MAP2K5: variants seen among roughly 807,000 people sequenced by gnomAD.
MAP2K5 encodes mitogen-activated protein kinase kinase 5.
A neutral mutation model predicts 83.1 loss-of-function variants in MAP2K5; 49 were observed. The ratio of observed to expected loss-of-function variants is 0.59; its 90% confidence interval spans 0.47 to 0.75. The LOEUF (loss-of-function observed/expected upper bound fraction) is 0.75. Among genes scored for constraint, MAP2K5 ranks in the 30% least tolerant of loss-of-function variants. The pLI, the probability that MAP2K5 is intolerant of heterozygous loss-of-function variation, is 0.00. For synonymous variants in MAP2K5, 202 were observed against 191.8 expected, an observed-to-expected ratio of 1.05 and a Z score of -0.44; for missense variants, 457 against 557.5, an observed-to-expected ratio of 0.82 and a Z score of 1.82.
intron 17 of MAP2K5, among the ~76,000 whole-genome samples, chr15:67,731,698 A>G (rs981352076): frequency 2.0e-5 from 3 of 152,194 alleles, no homozygotes; most frequent in Non-Finnish European, 4.4e-5. Context: ...TCAGGCTCAG[A>G]GAGGCAAAGT....
intron 13 of MAP2K5, chr15:67,670,588 A>G: frequency 2.8e-6 from 1 of 362,254 alleles, no homozygotes; most frequent in Non-Finnish European, 5.5e-6. Context: ...TTCCCTGCCA[A>G]AAGGACAAAC....
At chr15:67,607,945 A>G (rs956450588) in intron 8 of MAP2K5, among the ~76,000 whole-genome samples, 1 of 152,188 alleles carries the variant, frequency 6.6e-6, no homozygotes, top group African/African-American at 2.4e-5. Flanking sequence ...ACGTTATGGT[A>G]ATATTTCAAG....
Position 67,664,609 on chromosome 15 carries a change from C to T in MAP2K5, c.811C>T (p.Leu271Phe). 6.3e-7 allele frequency: 1 copy of T among 1,591,304 alleles called. No individual in the cohort carries two copies. Among genetic ancestry groups the T allele is most frequent in the Non-Finnish European group, 8.6e-7 (1 of 1,160,096 alleles). ...GRIAVAVVKG[L>F]TYLWSLKILH... Reference sequence around the variant, plus strand: ...TTCCTAAATTTAGGTTGTTAAAGGCCTTACTTATTTGTGGAGTTTAAAGAT... The same window carrying T: ...TTCCTAAATTTAGGTTGTTAAAGGCTTTACTTATTTGTGGAGTTTAAAGAT... Residue 271 changes from leucine to phenylalanine, a missense_variant, in exon 13 of 22, where the codon CTT becomes TTT. Leu to Phe is a conservative substitution (Grantham distance 22). This residue lies in a region of MAP2K5 where 168 missense variants were observed against 263.0 expected (regional missense o/e 0.64). Transcript: ENST00000178640.
intron 19 of MAP2K5, among the ~76,000 whole-genome samples, chr15:67,756,886 G>A (rs1260930910): frequency 1.3e-5 from 2 of 151,736 alleles, no homozygotes; most frequent in African/African-American, 4.8e-5. Context: ...CTTTTTTAAG[G>A]CTGAATAAGA....
intron 8 of MAP2K5, among the ~76,000 whole-genome samples, chr15:67,618,542 T>A (rs1483505954): frequency 1.3e-5 from 2 of 152,222 alleles, no homozygotes; most frequent in African/African-American, 4.8e-5. Context: ...GATTACCAGT[T>A]GGATGTCCTC....
At chr15:67,670,513 C>A (rs993057653) in intron 13 of MAP2K5, 3 of 452,822 alleles carry the variant, frequency 6.6e-6, no homozygotes, top group African/African-American at 4.0e-5. Context: ...AAAAAGTAAA[C>A]CAGATTTACA....
chr15:67,641,359 C>T, intron 9 of MAP2K5: 5 of 344,838 alleles, frequency 1.4e-5, no homozygotes, highest in Non-Finnish European at 2.2e-5. Context: ...CTGTAAAAGA[C>T]AATTATGTCG....
intron 13 of MAP2K5, among the ~76,000 whole-genome samples, chr15:67,687,920 A>G (rs2087996693): frequency 6.6e-6 from 1 of 152,106 alleles, no homozygotes; most frequent in Non-Finnish European, 1.5e-5. Context: ...GTAGAAATGG[A>G]GCGTGTTGAT....
At chr15:67,659,759 A>G (rs1299538393) in intron 12 of MAP2K5, among the ~76,000 whole-genome samples, 1 of 152,170 alleles carries the variant, frequency 6.6e-6, no homozygotes, top group African/African-American at 2.4e-5. Context: ...AAAAAAGTAT[A>G]CAACTTCTAT....
Position 67,559,856 on chromosome 15 carries a change from A to G in MAP2K5, c.185-3427A>G, listed in dbSNP as rs112421874. 0.017 allele frequency among the ~76,000 whole-genome samples: 2,593 copies of G among 152,326 alleles called. 81 individuals are homozygous for G. Among genetic ancestry groups the G allele is most frequent in the African/African-American group, 0.058 (2,398 of 41,566 alleles). ...TAACGTTTTTTTGGTCAGATGGCAA[A>G]GAACCTCCATGTATAAGATAGAAAA... is the stretch of plus-strand genomic sequence containing the variant. On this transcript the variant is annotated intron_variant, in intron 2 of 21. Coordinates refer to ENST00000178640, the MANE Select transcript of MAP2K5 (RefSeq NM_145160.3). This position sits in a 1 kb window ranked among gnomAD's most constrained non-coding sequence, Gnocchi z 4.7.
chr15:67,655,462 T>C (rs2087047688), intron 11 of MAP2K5, among the ~76,000 whole-genome samples: 1 of 152,172 alleles, frequency 6.6e-6, no homozygotes, highest in Admixed American at 6.5e-5. Flanking sequence ...TAATTTCTCC[T>C]TCAGTTTCGT....
rs369895912 is a variant in MAP2K5 at position 67,804,719 on chromosome 15, G to A, written c.1243-1927G>A. On this transcript the variant is annotated intron_variant, in intron 21 of 21. Coordinates refer to ENST00000178640, the MANE Select transcript of MAP2K5 (RefSeq NM_145160.3). ...AAAGTGACACTGTGTTACCCCGGGC[G>A]TGGGGGGAGGGGCCCGTCACTCGTG... Among the ~76,000 whole-genome samples the A allele has an allele frequency of 4.3e-4, 66 of 152,336 alleles. No individual in the cohort carries two copies. The South Asian group carries it at 0.012, about 28-fold the overall frequency.
chr15:67,756,561 GT>G (rs1477302420), intron 19 of MAP2K5, among the ~76,000 whole-genome samples: 2 of 61,188 alleles, frequency 3.3e-5, no homozygotes, highest in East Asian at 3.7e-4. Flanking sequence ...GTGTGTGTGT[GT>G]TGATAACACT....
intron 9 of MAP2K5, among the ~76,000 whole-genome samples, chr15:67,643,403 C>T (rs1668383270): frequency 6.6e-6 from 1 of 152,180 alleles, no homozygotes; most frequent in Non-Finnish European, 1.5e-5. Flanking sequence ...TTGTATTACA[C>T]TTACAGTCTA....
intron 17 of MAP2K5, among the ~76,000 whole-genome samples, chr15:67,742,185 C>A (rs181853124): frequency 8.2e-4 from 125 of 152,322 alleles, no homozygotes; most frequent in Middle Eastern, 6.8e-3. Context: ...GCCACTGCGC[C>A]CGGCCAAGAA....
chr15:67,558,763 C>G (rs34819968), intron 2 of MAP2K5, among the ~76,000 whole-genome samples: 18,410 of 152,258 alleles, frequency 0.12, 1,225 homozygotes, highest in East Asian at 0.2. Context: ...CTGCCTCTGC[C>G]TGGAACAGTC....
intron 1 of MAP2K5, chr15:67,549,175 C>T: frequency 6.5e-7 from 1 of 1,535,690 alleles, no homozygotes; most frequent in Admixed American, 2.0e-5. Context: ...TGGAGTTGGA[C>T]TGGACATGAT....
At chr15:67,756,514 ACTGTGTGTGTGTGT>A (rs1417730364) in intron 19 of MAP2K5, among the ~76,000 whole-genome samples, 6 of 97,844 alleles carry the variant, frequency 6.1e-5, no homozygotes, top group African/African-American at 1.9e-4. Context: ...ACACACAGTT[ACTGTGTGTGTGTGT>A]GTGTGTGTGT....
chr15:67,806,105 C>T (rs942716662), intron 21 of MAP2K5, among the ~76,000 whole-genome samples: 13 of 152,234 alleles, frequency 8.5e-5, no homozygotes, highest in Admixed American at 8.5e-4. Flanking sequence ...CAGCACATTC[C>T]TCCCCCTCCC....
Sources: allele counts gnomAD v4.1 joint callset (sites outside exome capture counted in the v4.1 genomes callset), GRCh38; gene constraint gnomAD v4.1.1; regional missense constraint gnomAD v4.1.1; non-coding constraint Gnocchi (gnomAD v3.1); transcripts MANE v1.5; gene names NCBI Gene and HGNC (gene_info 2026-07-23, HGNC 2026-07-21).